The following RSPO2 variants were observed in gnomAD, a reference collection of about 807,000 sequenced individuals.
RSPO2 encodes R-spondin 2.
Under a neutral mutation model 30.9 loss-of-function variants are expected in RSPO2, and 14 were observed. That is an observed-to-expected ratio of 0.45 (90% CI 0.30 to 0.71). The LOEUF (loss-of-function observed/expected upper bound fraction) is 0.71, where lower values mean the gene tolerates loss of function less well. RSPO2 is among the 30% of genes least tolerant of loss of function. The pLI, the probability that RSPO2 is intolerant of heterozygous loss-of-function variation, is 0.08. For synonymous variants in RSPO2, 107 were observed against 96.4 expected, an observed-to-expected ratio of 1.11 and a Z score of -0.64; for missense variants, 264 against 301.9, an observed-to-expected ratio of 0.87 and a Z score of 0.93.
chr8:107,917,215 T>C (rs1432508465), intron 5 of RSPO2, among the ~76,000 whole-genome samples: 2 of 152,140 alleles, frequency 1.3e-5, no homozygotes, highest in African/African-American at 4.8e-5. Flanking sequence ...GCCAGGCAGG[T>C]GGCTCATGCC....
chr8:108,047,830 G>A (rs1586656483), intron 2 of RSPO2, among the ~76,000 whole-genome samples: 2 of 149,740 alleles, frequency 1.3e-5, no homozygotes, highest in South Asian at 2.2e-4. Flanking sequence ...CAGCATGGGT[G>A]AGAGAGCAAG....
chr8:108,007,769 G>A (rs1815498637), intron 2 of RSPO2, among the ~76,000 whole-genome samples: 3 of 152,064 alleles, frequency 2.0e-5, no homozygotes, highest in African/African-American at 7.2e-5. Context: ...ACTGTGAAGA[G>A]CCTGAGTTTA....
intron 2 of RSPO2, among the ~76,000 whole-genome samples, chr8:108,046,513 C>T (rs538490631): frequency 1.3e-5 from 2 of 152,172 alleles, no homozygotes; most frequent in East Asian, 1.9e-4. Context: ...AAAATGGTCA[C>T]TGACCATTTT....
intron 2 of RSPO2, among the ~76,000 whole-genome samples, chr8:108,063,092 A>G (rs200712469): frequency 6.6e-6 from 1 of 151,928 alleles, no homozygotes; most frequent in Admixed American, 6.5e-5. Context: ...ATGGGCAAAA[A>G]CTGGAAGCAT....
At chr8:107,923,918 C>G (rs566490634) in intron 5 of RSPO2, among the ~76,000 whole-genome samples, 2 of 151,990 alleles carry the variant, frequency 1.3e-5, no homozygotes, top group Non-Finnish European at 2.9e-5. Flanking sequence ...TAGAGGGGAA[C>G]AGCAAACTCT....
chr8:107,910,744 C>T (rs1251026183), intron 5 of RSPO2, among the ~76,000 whole-genome samples: 1 of 152,050 alleles, frequency 6.6e-6, no homozygotes, highest in Non-Finnish European at 1.5e-5. Context: ...GGCTGTATAT[C>T]ATGGTTACTA....
chr8:107,968,242 C>T (rs1390561274), intron 3 of RSPO2, among the ~76,000 whole-genome samples: 1 of 152,074 alleles, frequency 6.6e-6, no homozygotes, highest in Non-Finnish European at 1.5e-5. Flanking sequence ...TATGTATATA[C>T]ACACAATAGA....
chr8:108,058,011 T>C (rs1028651052), intron 2 of RSPO2, among the ~76,000 whole-genome samples: 5 of 152,162 alleles, frequency 3.3e-5, no homozygotes, highest in Admixed American at 2.0e-4. Context: ...TCCAACACTA[T>C]GTTGAATAGG....
intron 5 of RSPO2, among the ~76,000 whole-genome samples, chr8:107,919,797 T>C (rs1308915639): frequency 6.6e-6 from 1 of 152,258 alleles, no homozygotes; most frequent in South Asian, 2.1e-4. Context: ...TCGGGGAGAC[T>C]GGTTTGAGTA....
intron 2 of RSPO2, among the ~76,000 whole-genome samples, chr8:108,008,636 A>G (rs1815541768): frequency 1.3e-5 from 2 of 152,200 alleles, no homozygotes; most frequent in African/African-American, 4.8e-5. Flanking sequence ...ATGTATTAAT[A>G]CATATTAAGC....
chr8:107,972,963 G>A (rs1024009920), intron 3 of RSPO2, among the ~76,000 whole-genome samples: 2 of 152,102 alleles, frequency 1.3e-5, no homozygotes, highest in African/African-American at 4.8e-5. Context: ...CACTTAAACT[G>A]ACCATTTGTT....
At chr8:108,074,106 G>A (rs1812935101) in intron 2 of RSPO2, among the ~76,000 whole-genome samples, 1 of 152,102 alleles carries the variant, frequency 6.6e-6, no homozygotes, top group African/African-American at 2.4e-5. Flanking sequence ...AAAAACCCTA[G>A]CCCTACCTCT....
intron 4 of RSPO2, 49 bp downstream of exon 4, chr8:107,960,625 G>C (rs749793864): frequency 6.4e-7 from 1 of 1,553,120 alleles, no homozygotes; most frequent in Admixed American, 1.8e-5. Context: ...TAAGAAACAA[G>C]TGCTAAAATA....
intron 2 of RSPO2, among the ~76,000 whole-genome samples, chr8:108,019,216 T>C (rs1030332883): frequency 6.6e-6 from 1 of 152,086 alleles, no homozygotes; most frequent in Non-Finnish European, 1.5e-5. Context: ...TATCCGGCTG[T>C]GGTGGTGCAT....
At chr8:108,056,591 C>G (rs1468249811) in intron 2 of RSPO2, among the ~76,000 whole-genome samples, 3 of 139,592 alleles carry the variant, frequency 2.1e-5, no homozygotes, top group Admixed American at 7.6e-5. Flanking sequence ...CCACTGCACT[C>G]CAGCCTGGGT....
intron 2 of RSPO2, among the ~76,000 whole-genome samples, chr8:108,022,937 A>AC (rs1279531837): frequency 6.6e-6 from 1 of 151,074 alleles, no homozygotes; most frequent in Non-Finnish European, 1.5e-5. Flanking sequence ...AAAAAACAAA[A>AC]AAAAAAACCA....
Position 108,024,519 on chromosome 8 carries a change from C to G in RSPO2, c.95-35275G>C, listed in dbSNP as rs187807545. ...CAAAAGGGAAATAAAATATACACATCTATTAATTTGTACAAAAAGATATCT... is the reference window on the plus strand; with the variant it reads ...CAAAAGGGAAATAAAATATACACATGTATTAATTTGTACAAAAAGATATCT... On this transcript the variant is annotated intron_variant, in intron 2 of 5. Transcript: ENST00000276659. Among the ~76,000 whole-genome samples the G allele has an allele frequency of 1.6e-3, 247 of 151,212 alleles. 4 individuals are homozygous for G. Among genetic ancestry groups the G allele is most frequent in the Non-Finnish European group, 2.8e-4 (19 of 67,842 alleles).
intron 2 of RSPO2, among the ~76,000 whole-genome samples, chr8:108,054,558 C>T (rs1186008957): frequency 6.6e-6 from 1 of 152,116 alleles, no homozygotes; most frequent in Non-Finnish European, 1.5e-5. Context: ...CATAGTCTAG[C>T]GACAGCCCCA....
chr8:107,999,922 A>C (rs577564931), intron 2 of RSPO2, among the ~76,000 whole-genome samples: 1 of 152,316 alleles, frequency 6.6e-6, no homozygotes, highest in African/African-American at 2.4e-5. Context: ...TCTGAAGGAC[A>C]TTCACAACCT....
Sources: gnomAD v4.1 joint callset for allele counts (sites outside exome capture counted in the v4.1 genomes callset) on GRCh38, gnomAD v4.1.1 for gene constraint, MANE v1.5 for transcripts, NCBI Gene and HGNC (gene_info 2026-07-23, HGNC 2026-07-21) for gene names.